Variants in CASD1 observed in about 807,000 individuals in gnomAD.
CASD1 encodes the protein N-acetylneuraminate (7)9-O-acetyltransferase.
Under a neutral mutation model 100.0 loss-of-function variants are expected in CASD1, and 41 were observed. That is an observed-to-expected ratio of 0.41 (90% confidence interval 0.32 to 0.53). The LOEUF is 0.53. CASD1 is among the 20% of genes least tolerant of loss of function. The probability of loss-of-function intolerance (pLI) is 0.25; values close to 1 mark genes in which losing one functional copy is unlikely to be tolerated. For missense variants in CASD1, 774 were observed against 948.7 expected (o/e 0.82, Z 2.42); for synonymous variants, 321 against 315.6 (o/e 1.02, Z -0.18).
chr7:94,555,923 A>T lies in CASD1; in HGVS notation c.*165A>T, dbSNP rs148649873. The T allele has an allele frequency of 4.2e-4, 275 of 657,086 alleles. 1 individual carries two copies. The East Asian group carries it at 5.3e-3, about 13-fold the overall frequency. The allele number at this position is 657,086 out of a possible 1,614,324, so 40.7% of individuals were successfully genotyped here. On this transcript the variant is annotated 3_prime_UTR_variant, in exon 18 of 18. Transcript: ENST00000297273. ...GAACATATGTGGTTGTATATATTGG[A>T]AATGTACATATCCAATATGAAATAC... is the stretch of plus-strand genomic sequence containing the variant.
At chr7:94,603,217 C>T in the CASD1 span, 2 of 1,178,696 alleles carry the variant, frequency 1.7e-6, no homozygotes, top group East Asian at 4.8e-5. Context: ...AAAAGCAGTT[C>T]AGGTTTTAGT....
the CASD1 span, chr7:94,588,172 T>TAATC: frequency 9.1e-7 from 1 of 1,095,918 alleles, no homozygotes; most frequent in Non-Finnish European, 1.1e-6. Context: ...GGAAATAGAA[T>TAATC]AATCCAAGGA....
chr7:94,521,202 C>T (rs1794249866), intron 3 of CASD1, among the ~76,000 whole-genome samples: 1 of 152,032 alleles, frequency 6.6e-6, no homozygotes, highest in African/African-American at 2.4e-5. Context: ...ATAGGACATT[C>T]TCAGATATTT....
Position 94,535,349 on chromosome 7 carries a change from G to A in CASD1, c.669G>A (p.Met223Ile). The change falls in exon 8 of 18, where the codon ATG becomes ATA. Residue 223 changes from methionine (M) to isoleucine (I), a missense_variant. Transcript: ENST00000297273. ...YEDLLSENRKMITNEKIDAYN... is the reference protein window; with the variant it reads ...YEDLLSENRKIITNEKIDAYN... ...ATCTATTAAGTGAAAATAGGAAGAT[G>A]ATCACTAATGAGAAGATAGATGCTT... 6.2e-7 allele frequency: 1 copy of A among 1,613,264 alleles called. No individual in the cohort carries two copies. The highest frequency in any genetic ancestry group is 1.1e-5 in the South Asian group (1 of 91,024).
chr7:94,546,966 G>T (rs1795710537), intron 12 of CASD1, 130 bp from the exon 13 acceptor site: 2 of 519,918 alleles, frequency 3.8e-6, no homozygotes, highest in East Asian at 3.4e-5. Context: ...GATATATTTT[G>T]TGTATTCTTG....
the CASD1 span, among the ~76,000 whole-genome samples, chr7:94,612,293 T>C: frequency 2.0e-5 from 3 of 152,164 alleles, no homozygotes; most frequent in Non-Finnish European, 4.4e-5. Context: ...ATAAAAACAT[T>C]ACAGAAAACC....
chr7:94,591,393 A>G, the CASD1 span, among the ~76,000 whole-genome samples: 4 of 152,166 alleles, frequency 2.6e-5, no homozygotes, highest in Non-Finnish European at 4.4e-5. Flanking sequence ...GGCGCACACC[A>G]CACACAAGCA....
the CASD1 span, chr7:94,623,342 T>G: frequency 2.5e-6 from 4 of 1,597,928 alleles, no homozygotes; most frequent in Admixed American, 1.7e-5. Flanking sequence ...AGACATTATA[T>G]TAATTATCAA....
At chr7:94,628,728 G>A in the CASD1 span, 1 of 237,974 alleles carries the variant, frequency 4.2e-6, no homozygotes, top group Admixed American at 5.3e-5. Flanking sequence ...TGAAACTCTG[G>A]ACACTATCAT....
the CASD1 span, among the ~76,000 whole-genome samples, chr7:94,593,255 A>T: frequency 4.7e-4 from 72 of 152,172 alleles, no homozygotes; most frequent in South Asian, 6.2e-4. Context: ...AGAGAGACCC[A>T]ATTATCCTGG....
chr7:94,610,270 A>G, the CASD1 span, among the ~76,000 whole-genome samples: 1 of 152,212 alleles, frequency 6.6e-6, no homozygotes, highest in East Asian at 1.9e-4. Context: ...GTATGATACT[A>G]TAATGATGGA....
At chr7:94,595,503 A>C in the CASD1 span, among the ~76,000 whole-genome samples, 1 of 152,130 alleles carries the variant, frequency 6.6e-6, no homozygotes, top group Non-Finnish European at 1.5e-5. Flanking sequence ...GATGAAATGC[A>C]TGCCCTTATA....
At chr7:94,628,211 T>G in the CASD1 span, 1 of 1,611,204 alleles carries the variant, frequency 6.2e-7, no homozygotes, top group Non-Finnish European at 8.5e-7. Context: ...CCTCAATGAT[T>G]GTTGGCTTCC....
At chr7:94,523,214 T>C (rs1794381018) in intron 3 of CASD1, among the ~76,000 whole-genome samples, 1 of 152,170 alleles carries the variant, frequency 6.6e-6, no homozygotes, top group African/African-American at 2.4e-5. Flanking sequence ...TAAAAGGTAA[T>C]CTAAAGATGT....
chr7:94,561,536 A>G (rs926923708), downstream of CASD1, among the ~76,000 whole-genome samples: 1 of 152,132 alleles, frequency 6.6e-6, no homozygotes, highest in African/African-American at 2.4e-5. Flanking sequence ...AATTAAGACT[A>G]GGTTATATTG....
the CASD1 span, among the ~76,000 whole-genome samples, chr7:94,568,358 C>T: frequency 6.6e-6 from 1 of 152,152 alleles, no homozygotes; most frequent in East Asian, 1.9e-4. Flanking sequence ...CCCTACCATA[C>T]ATCATAAAAG....
intron 1 of CASD1, among the ~76,000 whole-genome samples, chr7:94,514,737 G>C (rs894800053): frequency 5.9e-5 from 9 of 152,040 alleles, no homozygotes; most frequent in African/African-American, 2.2e-4. Context: ...CTTGGTGTTG[G>C]AGATAGCTGA....
chr7:94,531,753 TTTG>T (rs1383295890), intron 5 of CASD1, among the ~76,000 whole-genome samples: 1 of 152,156 alleles, frequency 6.6e-6, no homozygotes, highest in African/African-American at 2.4e-5. Flanking sequence ...TGGTCAATTT[TTTG>T]TTATTAAATT....
intron 5 of CASD1, 57 bp downstream of exon 5, chr7:94,528,307 A>G (rs1794679271): frequency 7.9e-7 from 1 of 1,260,824 alleles, no homozygotes; most frequent in South Asian, 1.3e-5. Flanking sequence ...CCTTTACACA[A>G]GCATATTTTT....
Sources: gnomAD v4.1 joint callset for allele counts (sites outside exome capture counted in the v4.1 genomes callset) on GRCh38, gnomAD v4.1.1 for gene constraint, MANE v1.5 for transcripts, NCBI Gene and HGNC (gene_info 2026-07-23, HGNC 2026-07-21) for gene names.